The following FOXN3 variants were observed in gnomAD, a reference collection of about 807,000 sequenced individuals.
FOXN3 encodes the protein forkhead box N3, also known as forkhead box protein N3.
FOXN3 carries 7 observed loss-of-function variants against 38.4 expected under a neutral mutation model. The ratio of observed to expected loss-of-function variants is 0.18; its 90% CI spans 0.10 to 0.34. The LOEUF is 0.34. Ranked by LOEUF, FOXN3 falls within the 10% of genes least tolerant of loss-of-function variation. The pLI is 1.00. For synonymous variants in FOXN3, 230 were observed against 242.2 expected, an observed-to-expected ratio of 0.95 and a Z score of 0.47; for missense variants, 456 against 613.4, an observed-to-expected ratio of 0.74 and a Z score of 2.71.
intron 4 of FOXN3, among the ~76,000 whole-genome samples, chr14:89,255,241 G>A (rs1334904315): frequency 6.6e-6 from 1 of 152,174 alleles, no homozygotes; most frequent in Admixed American, 6.5e-5. Flanking sequence ...AGCCCACGTT[G>A]CCACTTTCCG....
intron 1 of FOXN3, among the ~76,000 whole-genome samples, chr14:89,567,754 G>A (rs537463095): frequency 7.4e-6 from 1 of 135,762 alleles, no homozygotes; most frequent in Non-Finnish European, 1.5e-5. Context: ...ACAGAGTCTC[G>A]CTCTGTCTCC....
intron 4 of FOXN3, among the ~76,000 whole-genome samples, chr14:89,206,449 G>A (rs1035698038): frequency 6.6e-6 from 1 of 152,166 alleles, no homozygotes; most frequent in Non-Finnish European, 1.5e-5. Context: ...CTTGATAATC[G>A]CCAGAAAATA....
At chr14:89,530,422 T>C (rs1183075406) in intron 1 of FOXN3, among the ~76,000 whole-genome samples, 4 of 151,980 alleles carry the variant, frequency 2.6e-5, no homozygotes, top group Non-Finnish European at 5.9e-5. Context: ...ATGAGACTTA[T>C]TCACCACCAC....
chr14:89,261,510 A>C (rs1042745278), intron 4 of FOXN3, among the ~76,000 whole-genome samples: 1 of 152,126 alleles, frequency 6.6e-6, no homozygotes, highest in African/African-American at 2.4e-5. Context: ...GAAGAGAAGG[A>C]GGGCCGGCGG....
chr14:89,260,364 G>A (rs1265183253), intron 4 of FOXN3, among the ~76,000 whole-genome samples: 1 of 152,248 alleles, frequency 6.6e-6, no homozygotes, highest in Non-Finnish European at 1.5e-5. Context: ...CAGGTCTCTG[G>A]GAGAGCCCGA....
At chr14:89,502,983 A>C (rs902804974) in intron 1 of FOXN3, among the ~76,000 whole-genome samples, 25 of 152,216 alleles carry the variant, frequency 1.6e-4, no homozygotes, top group Non-Finnish European at 8.8e-5. Context: ...GAAGTGCTTG[A>C]AAATCTCTTA....
intron 1 of FOXN3, among the ~76,000 whole-genome samples, chr14:89,460,533 G>GAAC: frequency 6.6e-6 from 1 of 152,266 alleles, no homozygotes; most frequent in East Asian, 1.9e-4. Flanking sequence ...CGGGGAGGAG[G>GAAC]AACGTTAGCC....
intron 1 of FOXN3, among the ~76,000 whole-genome samples, chr14:89,498,363 C>T (rs1183871653): frequency 6.6e-6 from 1 of 151,970 alleles, no homozygotes; most frequent in African/African-American, 2.4e-5. Context: ...GCTGGGACTA[C>T]AGGCACGTGC....
intron 4 of FOXN3, among the ~76,000 whole-genome samples, chr14:89,206,283 G>A (rs1177601898): frequency 6.6e-6 from 1 of 152,218 alleles, no homozygotes; most frequent in Non-Finnish European, 1.5e-5. Flanking sequence ...AGCCTGGTCA[G>A]GGACACATGC....
intron 1 of FOXN3, among the ~76,000 whole-genome samples, chr14:89,426,178 G>A (rs943338293): frequency 6.7e-6 from 1 of 149,306 alleles, no homozygotes; most frequent in African/African-American, 2.5e-5. Context: ...TCATTTGTAC[G>A]TGTCCATGAG....
At chr14:89,465,275 G>C (rs969662575) in intron 1 of FOXN3, among the ~76,000 whole-genome samples, 1 of 152,058 alleles carries the variant, frequency 6.6e-6, no homozygotes, top group African/African-American at 2.4e-5. Flanking sequence ...CTGTTGCCAG[G>C]CTGGAGTGCA....
intron 1 of FOXN3, among the ~76,000 whole-genome samples, chr14:89,493,646 C>CCCGATTT (rs1893624410): frequency 6.6e-6 from 1 of 152,014 alleles, no homozygotes; most frequent in Non-Finnish European, 1.5e-5. Context: ...ACAATGGAGC[C>CCCGATTT]CCGATTTCCC....
intron 1 of FOXN3, among the ~76,000 whole-genome samples, chr14:89,485,737 G>A (rs142218779): frequency 0.011 from 1,702 of 152,204 alleles, 26 homozygotes; most frequent in African/African-American, 0.039. Flanking sequence ...GGATCCTTAA[G>A]GGACCCCTGA....
At chr14:89,394,360 C>G (rs537240278) in intron 2 of FOXN3, among the ~76,000 whole-genome samples, 4 of 151,874 alleles carry the variant, frequency 2.6e-5, no homozygotes, top group Non-Finnish European at 4.4e-5. Flanking sequence ...CCCACCACCA[C>G]GCCCAGCTAA....
rs58685122 is a variant in FOXN3 at position 89,344,267 on chromosome 14, GAAA to G, written c.680+6402_680+6404del. On this transcript the variant is annotated intron_variant, in intron 3 of 5. Coordinates refer to ENST00000557258, the MANE Select transcript of FOXN3 (RefSeq NM_005197.4). ...GCAAAAAAAGGGAAAGCTCATTAAA[GAAA>G]AAAAAAAAAAAACCATCTCACTCAG... Among the ~76,000 whole-genome samples the G allele has an allele frequency of 5.1e-3, 671 of 130,786 alleles. 4 individuals are homozygous for G. Among genetic ancestry groups the G allele is most frequent in the African/African-American group, 0.017 (636 of 37,554 alleles). 85.8% of individuals were successfully genotyped at this position (130,786 alleles called of 152,430 possible). A position where few individuals can be genotyped will look rare whatever the true frequency, so the allele number is the denominator to read the frequency against.
chr14:89,286,982 C>G (rs995547574), intron 3 of FOXN3, among the ~76,000 whole-genome samples: 1 of 152,020 alleles, frequency 6.6e-6, no homozygotes. Flanking sequence ...GTGGAGAGAC[C>G]GTGGGATTTG....
At chr14:89,564,436 ACATGCCCTCCTTC>A (rs1283392620) in intron 1 of FOXN3, among the ~76,000 whole-genome samples, 1 of 152,160 alleles carries the variant, frequency 6.6e-6, no homozygotes, top group Non-Finnish European at 1.5e-5. Context: ...AGATTGACTC[ACATGCCCTCCTTC>A]CGTGCTAAAA....
chr14:89,425,920 C>A (rs898626545), intron 1 of FOXN3, among the ~76,000 whole-genome samples: 2 of 152,096 alleles, frequency 1.3e-5, no homozygotes, highest in Non-Finnish European at 2.9e-5. Flanking sequence ...TCATTCACAA[C>A]GAACTGTGCC....
chr14:89,450,347 G>T (rs1892590083), intron 1 of FOXN3, among the ~76,000 whole-genome samples: 1 of 152,170 alleles, frequency 6.6e-6, no homozygotes, highest in South Asian at 2.1e-4. Flanking sequence ...TTCCAAATAA[G>T]GTCCCATTTC....
Sources: allele counts gnomAD v4.1 joint callset (sites outside exome capture counted in the v4.1 genomes callset), GRCh38; gene constraint gnomAD v4.1.1; transcripts MANE v1.5; gene names NCBI Gene and HGNC (gene_info 2026-07-23, HGNC 2026-07-21).